PTPRD: variants seen among roughly 807,000 people sequenced by gnomAD.
PTPRD encodes receptor-type tyrosine-protein phosphatase delta.
PTPRD carries 34 observed loss-of-function variants against 214.5 expected under a neutral mutation model. That is an observed-to-expected ratio of 0.16 (90% CI 0.12 to 0.21). PTPRD has a LOEUF of 0.21. PTPRD is among the 10% of genes least tolerant of loss of function. PTPRD has a pLI of 1.00. For synonymous variants in PTPRD, 1,128 were observed against 845.7 expected (o/e 1.33, Z -5.79); for missense variants, 2,545 against 2,398.7 (o/e 1.06, Z -1.27).
At chr9:10,339,184 T>A (rs1016490751) in intron 3 of PTPRD, among the ~76,000 whole-genome samples, 1 of 151,764 alleles carries the variant, frequency 6.6e-6, no homozygotes, top group Admixed American at 6.6e-5. Context: ...GAAGTTGATA[T>A]TGGTCATCTA....
intron 5 of PTPRD, among the ~76,000 whole-genome samples, chr9:9,906,525 C>T (rs1339319287): frequency 6.6e-6 from 1 of 151,908 alleles, no homozygotes; most frequent in East Asian, 1.9e-4. Context: ...TTACATTGGT[C>T]ATCCAAAATA....
intron 2 of PTPRD, among the ~76,000 whole-genome samples, chr9:10,492,742 C>T (rs1351067567): frequency 6.6e-6 from 1 of 152,088 alleles, no homozygotes; most frequent in East Asian, 1.9e-4. Flanking sequence ...TCAATTTTGG[C>T]TTTTGTTGCC....
At chr9:9,641,228 T>C (rs1481184298) in intron 7 of PTPRD, among the ~76,000 whole-genome samples, 1 of 152,220 alleles carries the variant, frequency 6.6e-6, no homozygotes, top group African/African-American at 2.4e-5. Flanking sequence ...CTCTTGAGTG[T>C]TGGCAAGGAA....
At position 8,550,739 on chromosome 9, in the gene PTPRD, A is replaced by G. The variant is rs1005210582; in HGVS notation, c.353-21960T>C. ...AAGCTCAGCCCTAAGATTTCTTAAT[A>G]GATCCATTGGCCCTATAGTCTACAG... On this transcript the variant is annotated intron_variant, in intron 14 of 45. Transcript: ENST00000381196. Among the ~76,000 whole-genome samples, 3 of 152,258 alleles carry G rather than the reference A, an allele frequency of 2.0e-5. 1 individual carries two copies. Among genetic ancestry groups the G allele is most frequent in the Admixed American group, 2.0e-4 (3 of 15,288 alleles).
intron 3 of PTPRD, among the ~76,000 whole-genome samples, chr9:10,139,324 G>A (rs1199524034): frequency 1.0e-4 from 15 of 150,584 alleles, no homozygotes; most frequent in African/African-American, 3.7e-4. Flanking sequence ...TAATCAAGGA[G>A]ATAAAAAAAA....
intron 3 of PTPRD, among the ~76,000 whole-genome samples, chr9:10,159,015 T>A (rs1321141353): frequency 2.0e-5 from 3 of 152,120 alleles, no homozygotes; most frequent in Non-Finnish European, 4.4e-5. Flanking sequence ...TTTGTTCCAC[T>A]GGTCCCCCTG....
chr9:9,639,155 T>G (rs1183328752), intron 7 of PTPRD, among the ~76,000 whole-genome samples: 1 of 152,210 alleles, frequency 6.6e-6, no homozygotes, highest in Non-Finnish European at 1.5e-5. Flanking sequence ...TAAATCACTT[T>G]GATTTGGGGT....
At chr9:9,856,862 G>A (rs992751706) in intron 5 of PTPRD, among the ~76,000 whole-genome samples, 2 of 152,218 alleles carry the variant, frequency 1.3e-5, no homozygotes, top group East Asian at 3.9e-4. Flanking sequence ...GAAGGAGAAA[G>A]GAATGTACAA....
intron 2 of PTPRD, among the ~76,000 whole-genome samples, chr9:10,451,986 A>T (rs1463488541): frequency 6.6e-6 from 1 of 152,006 alleles, no homozygotes; most frequent in East Asian, 1.9e-4. Flanking sequence ...GGAGCAAAGA[A>T]AGAGCTTTCC....
intron 5 of PTPRD, among the ~76,000 whole-genome samples, chr9:9,796,855 T>C (rs1316545054): frequency 6.6e-6 from 1 of 152,162 alleles, no homozygotes; most frequent in African/African-American, 2.4e-5. Context: ...GCTACATAAA[T>C]TCAACATATA....
chr9:9,395,098 C>A (rs1283528240), intron 9 of PTPRD, among the ~76,000 whole-genome samples: 1 of 151,790 alleles, frequency 6.6e-6, no homozygotes, highest in Non-Finnish European at 1.5e-5. Flanking sequence ...GATGTCTCCT[C>A]TCTCCTTTCT....
At chr9:9,932,323 CT>C (rs2087001627) in intron 5 of PTPRD, among the ~76,000 whole-genome samples, 1 of 143,304 alleles carries the variant, frequency 7.0e-6, no homozygotes, top group South Asian at 2.2e-4. Context: ...AAGTTGAAAA[CT>C]TTGAAAAAAA....
Position 10,479,658 on chromosome 9 carries a change from T to TACATAAATAAATAAACAAAC in PTPRD, c.-600+132739_-600+132740insGTTTGTTTATTTATTTATGT, listed in dbSNP as rs1555402920. On this transcript the variant is annotated intron_variant, in intron 2 of 45. Coordinates refer to ENST00000381196, the MANE Select transcript of PTPRD (RefSeq NM_002839.4). ...ATAAATAAATAAATAAATAAATAAA[T>TACATAAATAAATAAACAAAC]AAACAAAAATACAAAAATTTGCCAA... Among the ~76,000 whole-genome samples, 339 of 145,914 alleles carry TACATAAATAAATAAACAAAC rather than the reference T, an allele frequency of 2.3e-3. 9 individuals are homozygous for TACATAAATAAATAAACAAAC. Among genetic ancestry groups the TACATAAATAAATAAACAAAC allele is most frequent in the Admixed American group, 0.022 (317 of 14,426 alleles).
At chr9:9,580,061 T>C (rs1228871953) in intron 7 of PTPRD, among the ~76,000 whole-genome samples, 1 of 152,186 alleles carries the variant, frequency 6.6e-6, no homozygotes, top group Admixed American at 6.5e-5. Flanking sequence ...TAGTGTTCCA[T>C]ACTATTGTGT....
chr9:10,165,549 C>A (rs186896454), intron 3 of PTPRD, among the ~76,000 whole-genome samples: 1 of 151,582 alleles, frequency 6.6e-6, no homozygotes. Flanking sequence ...TATGACAATA[C>A]GGCTAGTAAA....
chr9:9,467,320 G>A (rs10977791), intron 8 of PTPRD, among the ~76,000 whole-genome samples: 70,208 of 146,914 alleles, frequency 0.48, 17,180 homozygotes, highest in East Asian at 0.67. Flanking sequence ...AGGCATGGTG[G>A]CTCACACCTG....
chr9:8,450,800 G>C (rs1209895604), intron 33 of PTPRD, among the ~76,000 whole-genome samples: 1 of 152,130 alleles, frequency 6.6e-6, no homozygotes, highest in Non-Finnish European at 1.5e-5. Context: ...GTTTGAATTA[G>C]ATTAAAAACC....
intron 9 of PTPRD, among the ~76,000 whole-genome samples, chr9:9,323,601 T>C (rs944317459): frequency 6.6e-6 from 1 of 152,166 alleles, no homozygotes; most frequent in African/African-American, 2.4e-5. Context: ...TACTATCTTA[T>C]CTCAAACAAA....
chr9:8,327,614 C>G (rs1226285829), intron 44 of PTPRD, among the ~76,000 whole-genome samples: 1 of 152,066 alleles, frequency 6.6e-6, no homozygotes, highest in Admixed American at 6.5e-5. Flanking sequence ...TCTCATTGAT[C>G]TGTCTAATAT....
Sources: gnomAD v4.1 joint callset for allele counts (sites outside exome capture counted in the v4.1 genomes callset) on GRCh38, gnomAD v4.1.1 for gene constraint, MANE v1.5 for transcripts, NCBI Gene and HGNC (gene_info 2026-07-23, HGNC 2026-07-21) for gene names.